Variants in MIR2052HG observed in about 807,000 individuals in gnomAD.
MIR2052HG encodes MIR2052 host gene.
chr8:74,627,432 G>T (rs1375016903), intron 2 of MIR2052HG, among the ~76,000 whole-genome samples: 1 of 152,118 alleles, frequency 6.6e-6, no homozygotes, highest in Non-Finnish European at 1.5e-5. Flanking sequence ...GAATAATTTG[G>T]ATACTGTAGA....
chr8:74,701,726 T>G (rs1809360040), intron 2 of MIR2052HG, among the ~76,000 whole-genome samples: 1 of 152,172 alleles, frequency 6.6e-6, no homozygotes, highest in Non-Finnish European at 1.5e-5. Context: ...TGAAATCAAT[T>G]AGCCAAAGTC....
At chr8:74,606,171 G>A (rs1031453816) in intron 1 of MIR2052HG, among the ~76,000 whole-genome samples, 1 of 152,206 alleles carries the variant, frequency 6.6e-6, no homozygotes, top group Non-Finnish European at 1.5e-5. Context: ...CGGGGCTTTG[G>A]GTGTTATCAA....
chr8:74,607,783 A>G (rs940643657), intron 1 of MIR2052HG, among the ~76,000 whole-genome samples: 9 of 152,344 alleles, frequency 5.9e-5, no homozygotes, highest in African/African-American at 1.7e-4. Flanking sequence ...AAAGTCTGGT[A>G]TAAAGAAAGT....
At chr8:74,677,823 T>C (rs1269061543) in intron 2 of MIR2052HG, among the ~76,000 whole-genome samples, 1 of 152,042 alleles carries the variant, frequency 6.6e-6, no homozygotes, top group Non-Finnish European at 1.5e-5. Context: ...ATAATGGCTA[T>C]AGTAAAAAAA....
chr8:74,616,943 A>G (rs1415839916), intron 2 of MIR2052HG, among the ~76,000 whole-genome samples: 1 of 151,844 alleles, frequency 6.6e-6, no homozygotes, highest in East Asian at 1.9e-4. Context: ...TATTGAGGCT[A>G]TGAAGGTAAA....
At chr8:74,696,376 C>A in intron 2 of MIR2052HG, among the ~76,000 whole-genome samples, 1 of 151,698 alleles carries the variant, frequency 6.6e-6, no homozygotes, top group Non-Finnish European at 1.5e-5. Flanking sequence ...ATGTCTGAAA[C>A]AGCACAAATA....
chr8:74,664,356 T>C (rs1230337933), intron 2 of MIR2052HG, among the ~76,000 whole-genome samples: 1 of 152,112 alleles, frequency 6.6e-6, no homozygotes. Context: ...GATTTAGTAA[T>C]AGATTTTCTC....
At chr8:74,734,682 G>A (rs1319720250) in intron 4 of MIR2052HG, among the ~76,000 whole-genome samples, 1 of 152,224 alleles carries the variant, frequency 6.6e-6, no homozygotes, top group African/African-American at 2.4e-5. Flanking sequence ...CTGGCACGGT[G>A]ACACCCAGAG....
chr8:74,647,056 G>A (rs530540733), intron 2 of MIR2052HG, among the ~76,000 whole-genome samples: 13 of 152,284 alleles, frequency 8.5e-5, no homozygotes, highest in East Asian at 5.8e-4. Flanking sequence ...ATCAGTCTGT[G>A]TGCAGGAGGC....
chr8:74,710,259 A>G (rs1809454227), intron 4 of MIR2052HG, among the ~76,000 whole-genome samples: 1 of 152,186 alleles, frequency 6.6e-6, no homozygotes, highest in Non-Finnish European at 1.5e-5. Context: ...CAGTGGAGAA[A>G]GTGAAAATGG....
intron 4 of MIR2052HG, among the ~76,000 whole-genome samples, chr8:74,729,973 G>A (rs969451988): frequency 1.3e-5 from 2 of 152,128 alleles, no homozygotes; most frequent in Non-Finnish European, 2.9e-5. Flanking sequence ...TTGGGAAAAT[G>A]GTGGAAGAAT....
At chr8:74,727,707 C>A (rs1165120674) in intron 4 of MIR2052HG, among the ~76,000 whole-genome samples, 2 of 152,078 alleles carry the variant, frequency 1.3e-5, no homozygotes, top group African/African-American at 4.8e-5. Flanking sequence ...TGGTTAGCTA[C>A]TGAAATCAAG....
chr8:74,603,617 T>C, intron 1 of MIR2052HG: 1 of 1,483,848 alleles, frequency 6.7e-7, no homozygotes, highest in Non-Finnish European at 9.4e-7. Flanking sequence ...TGGTGCAGCA[T>C]GGTCAAATCT....
At chr8:74,656,374 A>T (rs1050566660) in intron 2 of MIR2052HG, among the ~76,000 whole-genome samples, 2 of 152,084 alleles carry the variant, frequency 1.3e-5, no homozygotes, top group African/African-American at 4.8e-5. Context: ...TAGCTCCCAG[A>T]ATTCCCCTGT....
At chr8:74,658,492 G>A (rs756239227) in intron 2 of MIR2052HG, among the ~76,000 whole-genome samples, 14 of 151,774 alleles carry the variant, frequency 9.2e-5, no homozygotes, top group Non-Finnish European at 1.9e-4. Flanking sequence ...CCAGCTTCAA[G>A]CAATTCTCCT....
At chr8:74,737,018 G>T (rs1809772981) in intron 4 of MIR2052HG, among the ~76,000 whole-genome samples, 1 of 152,162 alleles carries the variant, frequency 6.6e-6, no homozygotes, top group Non-Finnish European at 1.5e-5. Flanking sequence ...GTAACAAAAG[G>T]ACCAGAGGCT....
At chr8:74,611,845 A>G (rs2128731412) in intron 1 of MIR2052HG, among the ~76,000 whole-genome samples, 1 of 152,318 alleles carries the variant, frequency 6.6e-6, no homozygotes, top group African/African-American at 2.4e-5. Context: ...GAATGCCAGT[A>G]GAGGAAATTG....
chr8:74,658,226 C>T (rs1808826406), intron 2 of MIR2052HG, among the ~76,000 whole-genome samples: 1 of 152,122 alleles, frequency 6.6e-6, no homozygotes, highest in Non-Finnish European at 1.5e-5. Context: ...CATTCCCTTC[C>T]TCTGCCCTGA....
chr8:74,660,444 A>C (rs1284388680), intron 2 of MIR2052HG, among the ~76,000 whole-genome samples: 2 of 152,164 alleles, frequency 1.3e-5, no homozygotes, highest in Non-Finnish European at 2.9e-5. Flanking sequence ...CGCAAGAGAG[A>C]GGTGTGTAAA....
Sources: allele counts gnomAD v4.1 joint callset (sites outside exome capture counted in the v4.1 genomes callset), GRCh38; gene constraint gnomAD v4.1.1; transcripts MANE v1.5; gene names NCBI Gene and HGNC (gene_info 2026-07-23, HGNC 2026-07-21).